The following SEMA6D variants were observed in gnomAD, a reference collection of about 807,000 sequenced individuals.
SEMA6D encodes semaphorin-6D.
SEMA6D carries 35 observed loss-of-function variants against 106.6 expected under a neutral mutation model. The ratio of observed to expected loss-of-function variants is 0.33; its 90% confidence interval spans 0.25 to 0.44. SEMA6D has a LOEUF of 0.44. Among genes scored for constraint, SEMA6D ranks in the 20% least tolerant of loss-of-function variants. The probability of loss-of-function intolerance (pLI) is 1.00; values close to 1 mark genes in which losing one functional copy is unlikely to be tolerated. For missense variants in SEMA6D, 1,185 were observed against 1,345.9 expected (o/e 0.88, Z 1.87); for synonymous variants, 499 against 487.7 (o/e 1.02, Z -0.31).
At chr15:47,583,142 C>T (rs2076282062) in intron 3 of SEMA6D, among the ~76,000 whole-genome samples, 2 of 152,126 alleles carry the variant, frequency 1.3e-5, no homozygotes, top group South Asian at 2.1e-4. Context: ...CCATATATCT[C>T]AAGGATGGCC....
chr15:47,503,864 C>A (rs1268027521), intron 3 of SEMA6D, among the ~76,000 whole-genome samples: 1 of 152,148 alleles, frequency 6.6e-6, no homozygotes, highest in Non-Finnish European at 1.5e-5. Context: ...AGTGATGTAA[C>A]CAAAAGGCCG....
chr15:47,729,164 TGAAGCAAACAATAAAATCATA>T (rs1407209899), intron 1 of SEMA6D, among the ~76,000 whole-genome samples: 4 of 152,224 alleles, frequency 2.6e-5, no homozygotes, highest in Admixed American at 1.3e-4. Context: ...ATTTAATCAG[TGAAGCAAACAATAAAATCATA>T]GAATGTGAGT....
intron 1 of SEMA6D, among the ~76,000 whole-genome samples, chr15:47,364,236 C>G (rs1355122500): frequency 2.0e-5 from 3 of 152,154 alleles, no homozygotes; most frequent in Non-Finnish European, 2.9e-5. Context: ...TTAAGAAGTC[C>G]TGGTAGGAGG....
chr15:47,291,196 A>G lies in SEMA6D; in HGVS notation c.-239+106778A>G, dbSNP rs1015519320. On this transcript the variant is annotated intron_variant, in intron 1 of 19. Coordinates refer to the SEMA6D transcript ENST00000558014. ...TGTTGGAAGGGCTATGAAAATTTGA[A>G]TGATCCTATTTGGAGTTCCTCAGTG... Among the ~76,000 whole-genome samples the G allele has an allele frequency of 3.3e-5, 5 of 152,232 alleles. No homozygotes were observed. The East Asian group carries it at 9.6e-4, about 29-fold the overall frequency.
At chr15:47,581,588 G>A (rs557876013) in intron 3 of SEMA6D, among the ~76,000 whole-genome samples, 57 of 152,228 alleles carry the variant, frequency 3.7e-4, no homozygotes, top group African/African-American at 1.3e-3. Flanking sequence ...GAGTAGTGGT[G>A]GGATTTGTGG....
At chr15:47,768,940 G>T (rs2082491534) in intron 18 of SEMA6D, among the ~76,000 whole-genome samples, 192 bp downstream of exon 18, 1 of 152,126 alleles carries the variant, frequency 6.6e-6, no homozygotes, top group South Asian at 2.1e-4. Context: ...TAAAAGAGGT[G>T]GAAAGCTGTT....
chr15:47,187,881 G>T (rs1893686073), intron 1 of SEMA6D, among the ~76,000 whole-genome samples: 1 of 152,094 alleles, frequency 6.6e-6, no homozygotes, highest in Admixed American at 6.5e-5. Flanking sequence ...GACAGGAAAA[G>T]AAGGGCAAGT....
intron 2 of SEMA6D, among the ~76,000 whole-genome samples, chr15:47,424,446 A>G (rs779045545): frequency 2.0e-4 from 30 of 152,156 alleles, no homozygotes; most frequent in Admixed American, 5.9e-4. Flanking sequence ...ATTTTAATGA[A>G]ATAAACATTT....
At chr15:47,768,350 G>A (rs182336899) in intron 17 of SEMA6D, among the ~76,000 whole-genome samples, 187 of 152,210 alleles carry the variant, frequency 1.2e-3, no homozygotes, top group African/African-American at 3.8e-3. Context: ...AGAGCCTTTC[G>A]AGTATCTTTA....
chr15:47,472,516 T>C (rs995561633), intron 3 of SEMA6D, among the ~76,000 whole-genome samples: 3 of 152,184 alleles, frequency 2.0e-5, no homozygotes, highest in Non-Finnish European at 4.4e-5. Context: ...TGCCTCCATG[T>C]AGTAGAAGGA....
chr15:47,642,447 C>A (rs1037182756), intron 4 of SEMA6D, among the ~76,000 whole-genome samples: 2 of 152,126 alleles, frequency 1.3e-5, no homozygotes, highest in African/African-American at 2.4e-5. Context: ...GATGCACACA[C>A]ACACACACAC....
At position 47,487,524 on chromosome 15, in the gene SEMA6D, C is replaced by T. The variant is rs75651156; in HGVS notation, c.-87+16979C>T. ...CATATCTATACATGTATGTGTATGG[C>T]TTCCTTTTTAAAAATCATAAGTTGG... On this transcript the variant is annotated intron_variant, in intron 3 of 19. Coordinates refer to the SEMA6D transcript ENST00000558014. 5.3e-3 allele frequency among the ~76,000 whole-genome samples: 809 copies of T among 152,252 alleles called. 6 individuals carry two copies. Among genetic ancestry groups the T allele is most frequent in the African/African-American group, 0.019 (775 of 41,578 alleles).
chr15:47,243,700 A>AGATC (rs2033049966), intron 1 of SEMA6D, among the ~76,000 whole-genome samples: 1 of 152,136 alleles, frequency 6.6e-6, no homozygotes, highest in African/African-American at 2.4e-5. Flanking sequence ...AATGAAGTGG[A>AGATC]GATCTCTGGT....
At chr15:47,195,905 G>C (rs1894309389) in intron 1 of SEMA6D, among the ~76,000 whole-genome samples, 1 of 148,206 alleles carries the variant, frequency 6.7e-6, no homozygotes, top group Non-Finnish European at 1.5e-5. Flanking sequence ...ATTCAACGTG[G>C]GTGAGCGTGT....
At chr15:47,507,220 C>T (rs759617532) in intron 3 of SEMA6D, among the ~76,000 whole-genome samples, 1 of 152,108 alleles carries the variant, frequency 6.6e-6, no homozygotes, top group Non-Finnish European at 1.5e-5. Flanking sequence ...AGAATGGAGA[C>T]TAAATGAGAA....
At chr15:47,395,418 G>C (rs2040181323) in intron 1 of SEMA6D, 4 of 152,180 alleles carry the variant, frequency 2.6e-5, no homozygotes, top group Admixed American at 2.6e-4. Context: ...AAACCAGAAG[G>C]CTGTGCTTAA....
At chr15:47,216,477 G>A (rs1019808138) in intron 1 of SEMA6D, among the ~76,000 whole-genome samples, 5 of 152,202 alleles carry the variant, frequency 3.3e-5, no homozygotes, top group African/African-American at 9.6e-5. Flanking sequence ...TAACCAGAAC[G>A]TATTCTTTTC....
intron 1 of SEMA6D, among the ~76,000 whole-genome samples, chr15:47,406,147 C>T (rs947495028): frequency 6.6e-6 from 1 of 152,198 alleles, no homozygotes; most frequent in Non-Finnish European, 1.5e-5. Context: ...AATTATCTCT[C>T]ATATAAAACT....
At chr15:47,632,726 G>A (rs1029215433) in intron 4 of SEMA6D, among the ~76,000 whole-genome samples, 2 of 151,738 alleles carry the variant, frequency 1.3e-5, no homozygotes, top group Non-Finnish European at 2.9e-5. Context: ...TTTATCCACT[G>A]CCAGTCTTTA....
Sources: gnomAD v4.1 joint callset for allele counts (sites outside exome capture counted in the v4.1 genomes callset) on GRCh38, gnomAD v4.1.1 for gene constraint, MANE v1.5 for transcripts, NCBI Gene and HGNC (gene_info 2026-07-23, HGNC 2026-07-21) for gene names.